Variants in SHTN1 observed in about 807,000 individuals in gnomAD.
SHTN1 encodes shootin 1.
Under a neutral mutation model 83.1 loss-of-function variants are expected in SHTN1, and 42 were observed. The ratio of observed to expected loss-of-function variants is 0.51; its 90% CI spans 0.39 to 0.65. The LOEUF (loss-of-function observed/expected upper bound fraction) is 0.65. Ranked by LOEUF, SHTN1 falls within the 30% of genes least tolerant of loss-of-function variation. SHTN1 has a pLI of 0.00. For synonymous variants in SHTN1, 224 were observed against 247.7 expected, an observed-to-expected ratio of 0.90 and a Z score of 0.90; for missense variants, 622 against 737.8, an observed-to-expected ratio of 0.84 and a Z score of 1.82.
At chr10:116,958,438 A>G (rs1255797917) in intron 4 of SHTN1, among the ~76,000 whole-genome samples, 1 of 152,232 alleles carries the variant, frequency 6.6e-6, no homozygotes. Context: ...GGCAACAAAC[A>G]GTGTTAGGTA....
intron 1 of SHTN1, among the ~76,000 whole-genome samples, chr10:117,087,721 G>A (rs1853370578): frequency 6.6e-6 from 1 of 152,196 alleles, no homozygotes; most frequent in African/African-American, 2.4e-5. Context: ...AACTAAGAAT[G>A]TCTATTCAGC....
chr10:116,912,301 C>T (rs1848230447), intron 13 of SHTN1, among the ~76,000 whole-genome samples: 3 of 152,160 alleles, frequency 2.0e-5, no homozygotes, highest in Admixed American at 2.0e-4. Context: ...CTCAGCTCCA[C>T]CAGCTATGGG....
At chr10:117,072,110 T>C (rs1160936042) in intron 1 of SHTN1, among the ~76,000 whole-genome samples, 1 of 152,128 alleles carries the variant, frequency 6.6e-6, no homozygotes, top group East Asian at 1.9e-4. Flanking sequence ...TGAAGAAAAA[T>C]TTAGTTCAAA....
chr10:117,106,537 T>C (rs1853673356), intron 1 of SHTN1, among the ~76,000 whole-genome samples: 2 of 152,134 alleles, frequency 1.3e-5, no homozygotes, highest in Non-Finnish European at 2.9e-5. Context: ...GAAACAGCCA[T>C]CCCTAGGACT....
chr10:116,889,247 C>A (rs1449169700), intron 16 of SHTN1, among the ~76,000 whole-genome samples: 2 of 152,186 alleles, frequency 1.3e-5, no homozygotes, highest in African/African-American at 4.8e-5. Context: ...AGCAGCAATA[C>A]ATGGATGTTG....
intron 1 of SHTN1, among the ~76,000 whole-genome samples, chr10:116,981,081 G>A (rs1850999482): frequency 6.6e-6 from 1 of 152,142 alleles, no homozygotes; most frequent in East Asian, 1.9e-4. Context: ...CACTTTGGTA[G>A]GCCGAGGTGG....
chr10:116,995,926 A>C (rs1331492545), intron 1 of SHTN1, among the ~76,000 whole-genome samples: 2 of 152,198 alleles, frequency 1.3e-5, no homozygotes, highest in African/African-American at 4.8e-5. Flanking sequence ...TACTATAGGC[A>C]CAATCTGATG....
chr10:116,927,980 A>C, intron 10 of SHTN1, 89 bp from the exon 11 acceptor site: 11 of 1,474,872 alleles, frequency 7.5e-6, no homozygotes, highest in South Asian at 2.5e-5. Flanking sequence ...AACCTTTCTC[A>C]AAAGTAAGTT....
chr10:116,910,104 T>C (rs1308977638), intron 14 of SHTN1, among the ~76,000 whole-genome samples: 4 of 152,082 alleles, frequency 2.6e-5, no homozygotes, highest in Non-Finnish European at 5.9e-5. Context: ...TCTTTTTATC[T>C]TTCTTATAAG....
intron 1 of SHTN1, among the ~76,000 whole-genome samples, chr10:117,075,569 T>C (rs753290102): frequency 1.3e-5 from 2 of 152,134 alleles, no homozygotes; most frequent in African/African-American, 4.8e-5. Flanking sequence ...ATTATCCACA[T>C]AGTGTGATAT....
intron 16 of SHTN1, among the ~76,000 whole-genome samples, chr10:116,892,815 T>G (rs888746016): frequency 3.9e-5 from 6 of 152,082 alleles, no homozygotes; most frequent in Non-Finnish European, 7.4e-5. Flanking sequence ...TCTATTTGAA[T>G]AAAAAAACCT....
At chr10:117,027,778 G>A (rs920191869) in intron 2 of SHTN1, among the ~76,000 whole-genome samples, 2 of 152,176 alleles carry the variant, frequency 1.3e-5, no homozygotes, top group Non-Finnish European at 1.5e-5. Flanking sequence ...CATTACAGGC[G>A]TGAGCCACCG....
intron 6 of SHTN1, among the ~76,000 whole-genome samples, 153 bp downstream of exon 6, chr10:116,951,756 T>A (rs1486693578): frequency 6.6e-6 from 1 of 152,204 alleles, no homozygotes; most frequent in Non-Finnish European, 1.5e-5. Context: ...TTCCTCTACC[T>A]TTTTTTATGT....
In SHTN1 at chr10:116,883,983, C is replaced by T. The variant is rs1847093204; in HGVS notation, c.*2361G>A. The T allele has an allele frequency of 4.6e-6, 1 of 217,776 alleles. No homozygotes were observed. The highest frequency in any genetic ancestry group is 5.2e-5 in the Admixed American group (1 of 19,254). 13.5% of individuals were successfully genotyped at this position (217,776 alleles called of 1,614,324 possible). A position where few individuals can be genotyped will look rare whatever the true frequency, so the allele number is the denominator to read the frequency against. On this transcript the variant is annotated 3_prime_UTR_variant, in exon 17 of 17. Transcript: ENST00000355371. Reference sequence around the variant, plus strand: ...GGCACAAAGTACCTCTATCTCTGTTCCTCACTCGGGCTATAAAATGCATCA... The same window carrying T: ...GGCACAAAGTACCTCTATCTCTGTTTCTCACTCGGGCTATAAAATGCATCA...
At chr10:116,905,367 ATGT>A (rs1031918678) in intron 15 of SHTN1, among the ~76,000 whole-genome samples, 11 of 152,158 alleles carry the variant, frequency 7.2e-5, no homozygotes, top group Admixed American at 6.5e-4. Flanking sequence ...TAAGAAAAAA[ATGT>A]TGTGGTACCC....
intron 1 of SHTN1, among the ~76,000 whole-genome samples, chr10:116,995,681 G>C (rs920794980): frequency 5.3e-5 from 8 of 152,024 alleles, no homozygotes; most frequent in African/African-American, 1.9e-4. Flanking sequence ...GAAAATACTG[G>C]TTATATTGCC....
rs57069034 is a variant in SHTN1, at chr10:117,053,019, C to CAAA, written c.-188-4512_-188-4510dup. 7.9e-4 allele frequency among the ~76,000 whole-genome samples: 9 copies of CAAA among 11,450 alleles called. 3 individuals are homozygous for CAAA. Among genetic ancestry groups the CAAA allele is most frequent in the African/African-American group, 9.6e-4 (8 of 8,342 alleles). 7.5% of individuals were successfully genotyped at this position (11,450 alleles called of 152,430 possible). A position where few individuals can be genotyped will look rare whatever the true frequency, so the allele number is the denominator to read the frequency against. On this transcript the variant is annotated intron_variant, in intron 1 of 17. Coordinates refer to the SHTN1 transcript ENST00000392901. ...TGGGCAACAGAGCAAGACTGTGTCT[C>CAAA]AAAAAAAAAAAGAATTAAGAATTAA...
chr10:116,973,421 A>G (rs1460576470), intron 2 of SHTN1, among the ~76,000 whole-genome samples: 2 of 152,182 alleles, frequency 1.3e-5, no homozygotes, highest in Non-Finnish European at 2.9e-5. Context: ...ACGCAAGTAC[A>G]TTACAGTTGA....
intron 1 of SHTN1, among the ~76,000 whole-genome samples, chr10:117,086,787 C>A (rs1408361920): frequency 1.3e-5 from 2 of 152,148 alleles, no homozygotes; most frequent in Admixed American, 6.5e-5. Flanking sequence ...GGGACTCAAA[C>A]AGATACGTGG....
Sources: gnomAD v4.1 joint callset for allele counts (sites outside exome capture counted in the v4.1 genomes callset) on GRCh38, gnomAD v4.1.1 for gene constraint, MANE v1.5 for transcripts, NCBI Gene and HGNC (gene_info 2026-07-23, HGNC 2026-07-21) for gene names.